TRDN: variants seen among roughly 807,000 people sequenced by gnomAD.
The protein encoded by TRDN is triadin.
TRDN carries 161 observed loss-of-function variants against 149.7 expected under a neutral mutation model. The observed-to-expected ratio is 1.08, with a 90% CI of 0.95 to 1.23. The LOEUF (loss-of-function observed/expected upper bound fraction) is 1.23. TRDN is among the 50% of genes most tolerant of loss of function. The pLI, the probability that TRDN is intolerant of heterozygous loss-of-function variation, is 0.00. For synonymous variants in TRDN, 294 were observed against 250.5 expected, an observed-to-expected ratio of 1.17 and a Z score of -1.64; for missense variants, 896 against 823.5, an observed-to-expected ratio of 1.09 and a Z score of -1.08.
At chr6:123,529,413 A>C in intron 5 of TRDN, 1 of 1,477,680 alleles carries the variant, frequency 6.8e-7, no homozygotes, top group South Asian at 1.2e-5. Context: ...TGATTGTTGA[A>C]GAATTGGCTG....
intron 12 of TRDN, among the ~76,000 whole-genome samples, chr6:123,433,170 T>TATATATATATATATATATATAG (rs1774409749): frequency 1.1e-5 from 1 of 92,110 alleles, no homozygotes; most frequent in Non-Finnish European, 2.4e-5. Flanking sequence ...ATAATATATA[T>TATATATATATATATATATATAG]ATATATATAT....
intron 12 of TRDN, among the ~76,000 whole-genome samples, chr6:123,407,618 C>A (rs960644868): frequency 2.0e-5 from 3 of 152,048 alleles, no homozygotes; most frequent in Non-Finnish European, 4.4e-5. Flanking sequence ...GCTCATGGCA[C>A]CCTCTCTGTG....
At chr6:123,515,695 GT>G (rs1037712416) in intron 6 of TRDN, among the ~76,000 whole-genome samples, 1 of 151,944 alleles carries the variant, frequency 6.6e-6, no homozygotes, top group Admixed American at 6.6e-5. Context: ...TGAGAGGAAG[GT>G]TTTCACAAAG....
chr6:123,476,915 T>C (rs1451442896), intron 9 of TRDN, among the ~76,000 whole-genome samples: 1 of 150,770 alleles, frequency 6.6e-6, no homozygotes, highest in Non-Finnish European at 1.5e-5. Flanking sequence ...CAATTCAAGA[T>C]GGATTAAAGA....
At chr6:123,612,948 T>A (rs968422682) in intron 1 of TRDN, among the ~76,000 whole-genome samples, 4 of 152,150 alleles carry the variant, frequency 2.6e-5, no homozygotes, top group Non-Finnish European at 4.4e-5. Context: ...TTCAATTCAT[T>A]CCAACTCTAT....
intron 31 of TRDN, among the ~76,000 whole-genome samples, chr6:123,268,511 A>G (rs1777092736): frequency 6.6e-6 from 1 of 152,132 alleles, no homozygotes; most frequent in Non-Finnish European, 1.5e-5. Flanking sequence ...TCAATTGAGT[A>G]GGACTCTGGA....
At chr6:123,615,104 T>C (rs2114692072) in intron 1 of TRDN, among the ~76,000 whole-genome samples, 1 of 152,212 alleles carries the variant, frequency 6.6e-6, no homozygotes, top group Non-Finnish European at 1.5e-5. Context: ...CATAATGAGA[T>C]ATCTCACTCC....
At chr6:123,618,727 C>A (rs1785230311) in intron 1 of TRDN, among the ~76,000 whole-genome samples, 2 of 152,150 alleles carry the variant, frequency 1.3e-5, no homozygotes, top group South Asian at 2.1e-4. Context: ...AACCGTGTAT[C>A]TTTTGGGCAT....
Position 123,530,326 on chromosome 6 carries a change from TTATACATTTATAACTGAAATTAACTGA to T in TRDN, c.484+153_484+179del, listed in dbSNP as rs6149788. ...ATCTATTAAATATTATTTATGTTAT[TTATACATTTATAACTGAAATTAACTGA>T]TATACATTTATAACTGAAATTAACT... is the stretch of plus-strand genomic sequence containing the variant. On this transcript the variant is annotated intron_variant, in intron 5 of 40. Transcript: ENST00000334268. Among the ~76,000 whole-genome samples the T allele has an allele frequency of 0.56, 83,685 of 149,618 alleles. 24,348 individuals carry two copies. The highest frequency in any genetic ancestry group is 0.65 in the Non-Finnish European group (43,373 of 67,032).
At chr6:123,309,193 T>G (rs1778722563) in intron 24 of TRDN, among the ~76,000 whole-genome samples, 1 of 151,920 alleles carries the variant, frequency 6.6e-6, no homozygotes, top group Non-Finnish European at 1.5e-5. Flanking sequence ...CAAATTTCAC[T>G]TTAGTCTTCT....
In TRDN at chr6:123,337,679, A is replaced by T; in HGVS notation, c.1370-10T>A. 1 of 1,452,214 alleles carries T rather than the reference A, an allele frequency of 6.9e-7. No individual in the cohort carries two copies. The highest frequency in any genetic ancestry group is 1.4e-5 in the South Asian group (1 of 73,164). The allele number at this position is 1,452,214 out of a possible 1,614,324, so 90.0% of individuals were successfully genotyped here. ...TTTTCTTTTCTAATTTCTGCAAGAG[A>T]GATCATGGGAAGAAAAAGTTACAAG... On this transcript the variant is annotated splice_polypyrimidine_tract_variant and intron_variant, in intron 21 of 40. Transcript: ENST00000334268.
At chr6:123,595,123 A>T (rs996930218) in intron 1 of TRDN, among the ~76,000 whole-genome samples, 2 of 152,118 alleles carry the variant, frequency 1.3e-5, no homozygotes, top group Non-Finnish European at 2.9e-5. Flanking sequence ...TGTCCTGCAA[A>T]TTATTTCTCA....
intron 10 of TRDN, among the ~76,000 whole-genome samples, chr6:123,446,159 TCTCACTCA>T (rs1419668643): frequency 2.0e-5 from 3 of 150,406 alleles, no homozygotes; most frequent in African/African-American, 7.4e-5. Context: ...CACCGCATAT[TCTCACTCA>T]TAGGTGGGAA....
intron 21 of TRDN, chr6:123,351,496 A>C (rs1780461760): frequency 4.1e-6 from 4 of 983,656 alleles, no homozygotes; most frequent in Non-Finnish European, 4.8e-6. Context: ...AAAATTTCAG[A>C]GTCCCCAGAA....
At position 123,255,724 on chromosome 6, in the gene TRDN, A is replaced by T; in HGVS notation, c.1906+143T>A. The T allele has an allele frequency of 7.7e-6, 3 of 389,148 alleles. No individual in the cohort carries two copies. The South Asian group carries it at 2.3e-4, about 30-fold the overall frequency. The allele number at this position is 389,148 out of a possible 1,614,324, so 24.1% of individuals were successfully genotyped here. A position where few individuals can be genotyped will look rare whatever the true frequency, so the allele number is the denominator to read the frequency against. Reference sequence around the variant, plus strand: ...ATCATTTTTATTGTGTTTTTTACTTACCATATTTCTTCTTTTACTCAGGCT... The same window carrying T: ...ATCATTTTTATTGTGTTTTTTACTTTCCATATTTCTTCTTTTACTCAGGCT... On this transcript the variant is annotated intron_variant, in intron 36 of 40. Coordinates refer to ENST00000334268, the MANE Select transcript of TRDN (RefSeq NM_006073.4).
intron 24 of TRDN, among the ~76,000 whole-genome samples, chr6:123,308,308 G>C (rs1778689425): frequency 6.8e-6 from 1 of 148,074 alleles, no homozygotes; most frequent in Non-Finnish European, 1.5e-5. Flanking sequence ...TGTGAGTAGT[G>C]CTGTGATGAA....
chr6:123,565,215 T>G (rs1049708272), intron 2 of TRDN, among the ~76,000 whole-genome samples: 1 of 151,648 alleles, frequency 6.6e-6, no homozygotes, highest in Non-Finnish European at 1.5e-5. Flanking sequence ...GAGAGGGAGG[T>G]CTTTCTGGCT....
At chr6:123,392,848 T>C (rs1274901941) in intron 13 of TRDN, among the ~76,000 whole-genome samples, 2 of 152,090 alleles carry the variant, frequency 1.3e-5, no homozygotes, top group East Asian at 1.9e-4. Context: ...TGTGATGTGC[T>C]AAGAAGTCTG....
intron 10 of TRDN, among the ~76,000 whole-genome samples, chr6:123,455,524 C>T (rs1177460608): frequency 6.6e-6 from 1 of 152,024 alleles, no homozygotes; most frequent in East Asian, 1.9e-4. Context: ...TATTTTTCCA[C>T]TCAGTGCTTT....
Sources: gnomAD v4.1 joint callset for allele counts (sites outside exome capture counted in the v4.1 genomes callset) on GRCh38, gnomAD v4.1.1 for gene constraint, MANE v1.5 for transcripts, NCBI Gene and HGNC (gene_info 2026-07-23, HGNC 2026-07-21) for gene names.